FAM178B: variants seen among roughly 807,000 people sequenced by gnomAD.
FAM178B encodes family with sequence similarity 178 member B.
FAM178B carries 82 observed loss-of-function variants against 91.7 expected under a neutral mutation model. The ratio of observed to expected loss-of-function variants is 0.89; its 90% CI spans 0.75 to 1.07. The LOEUF (loss-of-function observed/expected upper bound fraction) is 1.07, where lower values mean the gene tolerates loss of function less well. Among genes scored for constraint, FAM178B ranks in the 50% least tolerant of loss-of-function variants. FAM178B has a pLI of 0.00. For synonymous variants in FAM178B, 368 were observed against 359.4 expected (o/e 1.02, Z -0.27); for missense variants, 769 against 846.7 (o/e 0.91, Z 1.14).
intron 1 of FAM178B, among the ~76,000 whole-genome samples, chr2:96,974,523 A>G (rs1233384048): frequency 6.6e-6 from 1 of 152,134 alleles, no homozygotes; most frequent in Non-Finnish European, 1.5e-5. Flanking sequence ...GTCATTCCTT[A>G]TCAGTAATTA....
intron 12 of FAM178B, among the ~76,000 whole-genome samples, chr2:96,920,642 C>CTAGG (rs1031777677): frequency 6.6e-6 from 1 of 152,130 alleles, no homozygotes; most frequent in African/African-American, 2.4e-5. Context: ...GAACAGCACG[C>CTAGG]TAGGCACTGT....
intron 4 of FAM178B, among the ~76,000 whole-genome samples, chr2:96,969,151 G>A (rs921355181): frequency 6.6e-6 from 1 of 152,208 alleles, no homozygotes; most frequent in Non-Finnish European, 1.5e-5. Flanking sequence ...GGAAGCAGGG[G>A]CTGCACCATC....
chr2:96,913,925 G>A (rs1349083638), intron 12 of FAM178B, among the ~76,000 whole-genome samples: 1 of 152,194 alleles, frequency 6.6e-6, no homozygotes, highest in Non-Finnish European at 1.5e-5. Context: ...AGGAGGGTGC[G>A]AGGAAGACGC....
intron 9 of FAM178B, among the ~76,000 whole-genome samples, chr2:96,927,114 C>G (rs1363478933): frequency 6.6e-6 from 1 of 152,176 alleles, no homozygotes; most frequent in East Asian, 1.9e-4. Flanking sequence ...ATGAAGGATG[C>G]CATACCCTTG....
chr2:96,977,384 C>CAAAAAAAAAAAAAAAAAA (rs754852439), intron 1 of FAM178B, among the ~76,000 whole-genome samples: 1 of 24,466 alleles, frequency 4.1e-5, no homozygotes, highest in Non-Finnish European at 1.0e-4. Context: ...GACTCCGTCT[C>CAAAAAAAAAAAAAAAAAA]AAAAAAAAAA....
At chr2:96,951,314 G>C (rs1285675250) in intron 7 of FAM178B, 65 bp downstream of exon 7, 1 of 1,203,244 alleles carries the variant, frequency 8.3e-7, no homozygotes. Flanking sequence ...CCCTCAGCCT[G>C]TGGGCCTGCC....
At chr2:96,972,510 T>C in intron 2 of FAM178B, 28 bp downstream of exon 2, 1 of 1,550,212 alleles carries the variant, frequency 6.5e-7, no homozygotes, top group Non-Finnish European at 8.7e-7. Context: ...TCAGTGGGGA[T>C]TTACCTGTGC....
chr2:96,885,098 T>A (rs1239499942), intron 14 of FAM178B, among the ~76,000 whole-genome samples: 7 of 152,028 alleles, frequency 4.6e-5, no homozygotes. Context: ...GGGCAAGGGG[T>A]GGGGGTGACC....
At chr2:96,979,916 T>C (rs1483129721) in intron 1 of FAM178B, among the ~76,000 whole-genome samples, 1 of 152,228 alleles carries the variant, frequency 6.6e-6, no homozygotes, top group Non-Finnish European at 1.5e-5. Context: ...AATAGGTATG[T>C]CCATTATAGT....
At position 96,972,049 on chromosome 2, in the gene FAM178B, C is replaced by A. The variant is rs763277666; in HGVS notation, c.416G>T (p.Gly139Val). 1 of 1,549,092 alleles carries A rather than the reference C, an allele frequency of 6.5e-7. No individual in the cohort carries two copies. The highest frequency in any genetic ancestry group is 1.2e-5 in the South Asian group (1 of 83,678). Reference protein sequence around the residue: ...APAQRWVGVVGPQGLRRLAGE... With the variant: ...APAQRWVGVVVPQGLRRLAGE... ...AGCCAGTCTCCTCAGGCCCTGGGGG[C>A]CCACCACACCCACCCACCTCTGGGC... The change falls in exon 3 of 17, where the codon GGC becomes GTC. Residue 139 changes from glycine (G) to valine (V), a missense_variant. Transcript: ENST00000490605.
At chr2:96,950,395 G>A (rs147977976) in intron 7 of FAM178B, among the ~76,000 whole-genome samples, 30 of 152,276 alleles carry the variant, frequency 2.0e-4, no homozygotes, top group Non-Finnish European at 3.7e-4. Flanking sequence ...TTCCTCCTCC[G>A]GGGTAAGGAG....
chr2:96,880,749 C>T (rs556130468), intron 14 of FAM178B, among the ~76,000 whole-genome samples: 6 of 152,340 alleles, frequency 3.9e-5, no homozygotes, highest in South Asian at 4.1e-4. Flanking sequence ...CGCCCGCCAC[C>T]GTGCCCGGAG....
intron 5 of FAM178B, among the ~76,000 whole-genome samples, chr2:96,962,717 T>C (rs778746791): frequency 4.6e-5 from 7 of 152,144 alleles, no homozygotes; most frequent in Non-Finnish European, 8.8e-5. Context: ...CTTTAAGAAA[T>C]GGAGAATTGA....
At chr2:96,930,644 T>C (rs904988125) in intron 8 of FAM178B, among the ~76,000 whole-genome samples, 3 of 152,204 alleles carry the variant, frequency 2.0e-5, no homozygotes, top group African/African-American at 7.2e-5. Context: ...AATGAATGAA[T>C]GGAGAGAATC....
chr2:96,973,977 T>C (rs1372606077), intron 1 of FAM178B, among the ~76,000 whole-genome samples: 1 of 151,922 alleles, frequency 6.6e-6, no homozygotes, highest in Non-Finnish European at 1.5e-5. Flanking sequence ...CACTCCAACC[T>C]GAGCAACAGA....
intron 12 of FAM178B, among the ~76,000 whole-genome samples, chr2:96,909,494 C>T (rs898420419): frequency 6.6e-6 from 1 of 152,170 alleles, no homozygotes; most frequent in Non-Finnish European, 1.5e-5. Context: ...TGCCACAGCC[C>T]CCTCATTCCC....
Position 96,878,476 on chromosome 2 carries a change from G to A in FAM178B, c.1794C>T (p.His598=), listed in dbSNP as rs1353496105. 6.2e-7 allele frequency: 1 copy of A among 1,613,818 alleles called. No individual in the cohort carries two copies. The highest frequency in any genetic ancestry group is 8.5e-7 in the Non-Finnish European group (1 of 1,180,022). ...ELDHKACYLC[H]SLLMLAGVVV... Reference sequence around the variant, plus strand: ...CTACCCCGGCCAGCATCAGCAAGCTGTGGCACAGGTAGCAGGCCTGGAGGG... The same window carrying A: ...CTACCCCGGCCAGCATCAGCAAGCTATGGCACAGGTAGCAGGCCTGGAGGG... The change falls in exon 15 of 17, where the codon CAC becomes CAT. Residue 598 remains histidine, a synonymous_variant. Transcript: ENST00000490605.
Position 96,960,350 on chromosome 2 carries a change from CA to C in FAM178B, c.824del (p.Leu275ArgfsTer10), listed in dbSNP as rs1559098045. 6.4e-7 allele frequency: 1 copy of C among 1,551,790 alleles called. No individual in the cohort carries two copies. Among genetic ancestry groups the C allele is most frequent in the Non-Finnish European group, 8.7e-7 (1 of 1,147,014 alleles). ...GGAGTGAGGAGTCCAGGATGCATGG[CA>C]GGGGGTGACACCTGGGCAGAAACAC... ...ETVFLPRCHP[L>X]PCILDSSLLK... On this transcript the variant is annotated frameshift_variant, in exon 6 of 17. Coordinates refer to ENST00000490605, the MANE Select transcript of FAM178B (RefSeq NM_001122646.3). LOFTEE classifies it high-confidence loss of function.
intron 12 of FAM178B, among the ~76,000 whole-genome samples, chr2:96,905,328 C>A (rs1048532431): frequency 6.6e-6 from 1 of 151,842 alleles, no homozygotes; most frequent in African/African-American, 2.4e-5. Context: ...GAGGCTGAAG[C>A]GGGTGGATCA....
Sources: gnomAD v4.1 joint callset for allele counts (sites outside exome capture counted in the v4.1 genomes callset) on GRCh38, gnomAD v4.1.1 for gene constraint, MANE v1.5 for transcripts, NCBI Gene and HGNC (gene_info 2026-07-23, HGNC 2026-07-21) for gene names.